SPATA19: variants seen among roughly 807,000 people sequenced by gnomAD.
SPATA19 encodes the protein spermatogenesis associated 19, also known as spermatogenesis-associated protein 19, mitochondrial.
In SPATA19, 19 loss-of-function variants were observed where a neutral mutation model predicts 25.0. The ratio of observed to expected loss-of-function variants is 0.76; its 90% confidence interval spans 0.53 to 1.11. The LOEUF is 1.11. Ranked by LOEUF, SPATA19 falls within the 50% of genes most tolerant of loss-of-function variation. The probability of loss-of-function intolerance (pLI) is 0.00; values close to 1 mark genes in which losing one functional copy is unlikely to be tolerated. For missense variants in SPATA19, 222 were observed against 211.4 expected (o/e 1.05, Z -0.31); for synonymous variants, 64 against 69.3 (o/e 0.92, Z 0.38).
intron 6 of SPATA19, among the ~76,000 whole-genome samples, chr11:133,841,514 T>C (rs1938309419): frequency 6.6e-6 from 1 of 152,118 alleles, no homozygotes; most frequent in African/African-American, 2.4e-5. Flanking sequence ...CCATTGGCCT[T>C]CCACCTCCCA....
rs1007506642 is a variant in SPATA19 at position 133,845,051 on chromosome 11, G to T, written c.135+83C>A. 9 of 1,180,312 alleles carry T rather than the reference G, an allele frequency of 7.6e-6. No individual in the cohort carries two copies. In the African/African-American group the frequency reaches 1.4e-4, roughly 18 times the overall value. The allele number at this position is 1,180,312 out of a possible 1,614,324, so 73.1% of individuals were successfully genotyped here. On this transcript the variant is annotated intron_variant, in intron 2 of 6. Transcript: ENST00000299140. ...TGAACTTGAGTTCCAGTTCCATGAA[G>T]AAGGAAGTCCAGATCCCCACACCCA...
chr11:133,845,243 T>TTGCCCCCCCC, intron 1 of SPATA19, 53 bp from the exon 2 acceptor site: 1 of 1,555,088 alleles, frequency 6.4e-7, no homozygotes, highest in Non-Finnish European at 8.8e-7. Flanking sequence ...ATTCAGCTCT[T>TTGCCCCCCCC]CCCACCCAGC....
intron 2 of SPATA19, 124 bp downstream of exon 2, chr11:133,845,010 G>A: frequency 1.2e-6 from 1 of 833,062 alleles, no homozygotes; most frequent in East Asian, 2.5e-5. Context: ...TCAAATCTAG[G>A]AAGGGTGTCT....
chr11:133,839,384 A>T (rs1388787042), downstream of SPATA19, among the ~76,000 whole-genome samples: 1 of 152,204 alleles, frequency 6.6e-6, no homozygotes, highest in African/African-American at 2.4e-5. Flanking sequence ...CTTTGTAGGG[A>T]CATGGATGAA....
At chr11:133,841,675 C>T (rs1938313113) in intron 6 of SPATA19, among the ~76,000 whole-genome samples, 1 of 152,192 alleles carries the variant, frequency 6.6e-6, no homozygotes, top group African/African-American at 2.4e-5. Flanking sequence ...GTGAGGTCAG[C>T]AGACCAGCAG....
chr11:133,844,590 G>A lies in SPATA19; in HGVS notation c.186C>T (p.His62=). The change falls in exon 3 of 7, where the codon CAC becomes CAT. Residue 62 remains histidine, a synonymous_variant. Transcript: ENST00000299140. Reference sequence around the variant, plus strand: ...TCTTCTCCCTTACACCCTGGGAAGGGTGGTTGATGGACAGCTTTTCCTTTA... The same window carrying A: ...TCTTCTCCCTTACACCCTGGGAAGGATGGTTGATGGACAGCTTTTCCTTTA... ...RGIKEKLSIN[H]PSQGVREKMS... 4 of 1,613,778 alleles carry A rather than the reference G, an allele frequency of 2.5e-6. No homozygotes were observed. The highest frequency in any genetic ancestry group is 3.4e-6 in the Non-Finnish European group (4 of 1,179,866).
At chr11:133,838,706 T>C (rs892843412), downstream of SPATA19, among the ~76,000 whole-genome samples, 1 of 152,160 alleles carries the variant, frequency 6.6e-6, no homozygotes, top group Non-Finnish European at 1.5e-5. Flanking sequence ...AAAGAGCTTC[T>C]GCACAGCAAA....
Position 133,841,825 on chromosome 11 carries a change from T to G in SPATA19, c.*9+205A>C, listed in dbSNP as rs140061404. On this transcript the variant is annotated intron_variant, in intron 6 of 6. Coordinates refer to ENST00000299140, the MANE Select transcript of SPATA19 (RefSeq NM_174927.3). ...AGTCAGGAAACCAATCAAATTTGACTTCAAGTCCTTCCACAAACTTAAGAG... is the reference window on the plus strand; with the variant it reads ...AGTCAGGAAACCAATCAAATTTGACGTCAAGTCCTTCCACAAACTTAAGAG... 8.6e-3 allele frequency among the ~76,000 whole-genome samples: 1,316 copies of G among 152,306 alleles called. 20 individuals carry two copies. The highest frequency in any genetic ancestry group is 0.031 in the African/African-American group (1,270 of 41,556).
rs1316531555 is a variant in SPATA19 at position 133,845,267 on chromosome 11, A to C, written c.79-77T>G. ...TTCCCACCCAGCCCCCGCAACTGTT[A>C]CTCAAATTTATTTGTAAGATCTCTA... On this transcript the variant is annotated intron_variant, in intron 1 of 6. Coordinates refer to ENST00000299140, the MANE Select transcript of SPATA19 (RefSeq NM_174927.3). 11 of 1,207,624 alleles carry C rather than the reference A, an allele frequency of 9.1e-6. No homozygotes were observed. The Admixed American group carries it at 2.1e-4, about 23-fold the overall frequency. 74.8% of individuals were successfully genotyped at this position (1,207,624 alleles called of 1,614,324 possible).
intron 4 of SPATA19, 67 bp downstream of exon 4, chr11:133,844,179 C>G (rs1472473719): frequency 7.6e-7 from 1 of 1,314,440 alleles, no homozygotes; most frequent in Non-Finnish European, 1.1e-6. Context: ...TCTGAGGGTT[C>G]GTGAAGAGAG....
chr11:133,840,862 A>C lies in SPATA19; in HGVS notation c.*71T>G, dbSNP rs1938289070. ...CACAGCAGGGAGATGTGGTTGGCCA[A>C]GGGGTAGGGCTGATGATGACTCCCT... On this transcript the variant is annotated 3_prime_UTR_variant, in exon 7 of 7. Coordinates refer to ENST00000299140, the MANE Select transcript of SPATA19 (RefSeq NM_174927.3). The C allele has an allele frequency of 6.6e-6, 1 of 152,166 alleles. No individual in the cohort carries two copies. The highest frequency in any genetic ancestry group is 2.4e-5 in the African/African-American group (1 of 41,432). The allele number at this position is 152,166 out of a possible 1,614,324, so 9.4% of individuals were successfully genotyped here. A position where few individuals can be genotyped will look rare whatever the true frequency, so the allele number is the denominator to read the frequency against.
downstream of SPATA19, among the ~76,000 whole-genome samples, chr11:133,837,952 A>G (rs1282838342): frequency 6.6e-6 from 1 of 152,212 alleles, no homozygotes; most frequent in Non-Finnish European, 1.5e-5. Context: ...AGGATGCCAG[A>G]GGAAACCTTA....
chr11:133,843,948 T>G (rs968575484), intron 4 of SPATA19, among the ~76,000 whole-genome samples: 2 of 152,260 alleles, frequency 1.3e-5, no homozygotes, highest in Non-Finnish European at 2.9e-5. Context: ...CTCTTTAAAG[T>G]GCAGCCACTT....
At chr11:133,841,268 C>A (rs955223330) in intron 6 of SPATA19, among the ~76,000 whole-genome samples, 1 of 152,162 alleles carries the variant, frequency 6.6e-6, no homozygotes, top group Admixed American at 6.5e-5. Context: ...CACAACAACG[C>A]CCTCTCTTAA....
downstream of SPATA19, among the ~76,000 whole-genome samples, chr11:133,836,635 G>A (rs1011059756): frequency 2.0e-5 from 3 of 152,210 alleles, no homozygotes; most frequent in Admixed American, 6.5e-5. Context: ...TGGGGATGAC[G>A]ATTTTAAAAT....
intron 6 of SPATA19, among the ~76,000 whole-genome samples, 174 bp from the exon 7 acceptor site, chr11:133,841,097 T>C (rs1938297263): frequency 6.6e-6 from 1 of 152,158 alleles, no homozygotes; most frequent in South Asian, 2.1e-4. Context: ...TACCATGTGC[T>C]AGACACCATC....
chr11:133,843,208 T>A (rs1938347748), intron 4 of SPATA19, among the ~76,000 whole-genome samples: 1 of 152,132 alleles, frequency 6.6e-6, no homozygotes, highest in Admixed American at 6.5e-5. Flanking sequence ...AACTAGTTTT[T>A]TTATACAGAC....
In SPATA19 at chr11:133,842,581, A is replaced by G. The variant is rs756338999; in HGVS notation, c.360-19T>C. 6.3e-7 allele frequency: 1 copy of G among 1,584,968 alleles called. No homozygotes were observed. Among genetic ancestry groups the G allele is most frequent in the Non-Finnish European group, 8.7e-7 (1 of 1,153,294 alleles). ...AGTGTGGCTGCAAAAGGCCATTCGT[A>G]CATTGGCATATGGGATCTGAGTTTC... is the stretch of plus-strand genomic sequence containing the variant. On this transcript the variant is annotated intron_variant, in intron 4 of 6. Coordinates refer to ENST00000299140, the MANE Select transcript of SPATA19 (RefSeq NM_174927.3).
rs777647888 is a variant in SPATA19, at chr11:133,842,011, C to T, written c.*9+19G>A. The T allele has an allele frequency of 6.2e-7, 1 of 1,611,140 alleles. No individual in the cohort carries two copies. Among genetic ancestry groups the T allele is most frequent in the Non-Finnish European group, 8.5e-7 (1 of 1,177,550 alleles). On this transcript the variant is annotated intron_variant, in intron 6 of 6. Coordinates refer to ENST00000299140, the MANE Select transcript of SPATA19 (RefSeq NM_174927.3). ...TAACCATCTTCTCTGCCCAGTTCCT[C>T]ATCCGTCAGCTCTCTCACCTGTTGC...
Sources: allele counts gnomAD v4.1 joint callset (sites outside exome capture counted in the v4.1 genomes callset), GRCh38; gene constraint gnomAD v4.1.1; transcripts MANE v1.5; gene names NCBI Gene and HGNC (gene_info 2026-07-23, HGNC 2026-07-21).